The following ANKS1B variants were observed in gnomAD, a reference collection of about 807,000 sequenced individuals.
ANKS1B encodes ankyrin repeat and sterile alpha motif domain containing 1B.
Under a neutral mutation model 148.3 loss-of-function variants are expected in ANKS1B, and 36 were observed. The ratio of observed to expected loss-of-function variants is 0.24; its 90% CI spans 0.19 to 0.32. ANKS1B has a LOEUF of 0.32. Ranked by LOEUF, ANKS1B falls within the 10% of genes least tolerant of loss-of-function variation. The pLI is 1.00. For missense variants in ANKS1B, 1,157 were observed against 1,542.6 expected, an observed-to-expected ratio of 0.75 and a Z score of 4.19; for synonymous variants, 542 against 560.8, an observed-to-expected ratio of 0.97 and a Z score of 0.47.
At chr12:99,030,545 A>G (rs2099951469) in intron 17 of ANKS1B, among the ~76,000 whole-genome samples, 1 of 150,956 alleles carries the variant, frequency 6.6e-6, no homozygotes, top group African/African-American at 2.4e-5. Context: ...GCAGTACGGT[A>G]CCTCCTCCTG....
Position 98,744,122 on chromosome 12 carries a change from A to G in ANKS1B, c.*1617T>C. The G allele has an allele frequency of 2.0e-6, 2 of 985,784 alleles. No homozygotes were observed. The highest frequency in any genetic ancestry group is 3.5e-5 in the African/African-American group (2 of 57,354). 61.1% of individuals were successfully genotyped at this position (985,784 alleles called of 1,614,324 possible). A position where few individuals can be genotyped will look rare whatever the true frequency, so the allele number is the denominator to read the frequency against. The stretch of plus-strand genomic sequence containing the variant: ...GCTCCTATTAACTTTGCTCCTATAC[A>G]ATTGCCTCCTGGTACCATATTTTAG... On this transcript the variant is annotated 3_prime_UTR_variant, in exon 27 of 27. Transcript: ENST00000683438.
intron 17 of ANKS1B, among the ~76,000 whole-genome samples, chr12:98,948,295 C>T (rs186309638): frequency 6.6e-6 from 1 of 152,210 alleles, no homozygotes; most frequent in Admixed American, 6.5e-5. Flanking sequence ...ATGATTATAA[C>T]CTAAGAAACA....
intron 22 of ANKS1B, among the ~76,000 whole-genome samples, chr12:98,783,015 C>A (rs1188965507): frequency 6.6e-6 from 1 of 151,044 alleles, no homozygotes; most frequent in Non-Finnish European, 1.5e-5. Context: ...GCAGCCCAGG[C>A]GATAGTTGGA....
At chr12:98,919,825 A>G (rs1488663015) in intron 17 of ANKS1B, among the ~76,000 whole-genome samples, 1 of 152,146 alleles carries the variant, frequency 6.6e-6, no homozygotes, top group African/African-American at 2.4e-5. Flanking sequence ...AAAAATATGC[A>G]ATTGTTAGGG....
chr12:99,974,068 T>C (rs2095595587), intron 1 of ANKS1B, among the ~76,000 whole-genome samples: 1 of 152,194 alleles, frequency 6.6e-6, no homozygotes, highest in Non-Finnish European at 1.5e-5. Context: ...CATTACTGTC[T>C]CATTTAAGAA....
At chr12:99,960,287 T>A (rs2095391750) in intron 1 of ANKS1B, among the ~76,000 whole-genome samples, 1 of 152,244 alleles carries the variant, frequency 6.6e-6, no homozygotes, top group Middle Eastern at 3.2e-3. Flanking sequence ...TGTGACCATC[T>A]ATGCGAGGTA....
chr12:99,097,173 C>T (rs558880196), intron 15 of ANKS1B: 1 of 152,126 alleles, frequency 6.6e-6, no homozygotes, highest in African/African-American at 2.4e-5. Context: ...GTCTAAAGAT[C>T]ACTAAGTAAG....
chr12:98,873,799 A>C (rs1207917542), intron 17 of ANKS1B, among the ~76,000 whole-genome samples: 1 of 152,370 alleles, frequency 6.6e-6, no homozygotes, highest in Non-Finnish European at 1.5e-5. Context: ...ACTTGCCAAT[A>C]AACAGAAACA....
intron 15 of ANKS1B, among the ~76,000 whole-genome samples, chr12:99,095,030 G>C (rs1050659399): frequency 6.6e-5 from 10 of 152,060 alleles, no homozygotes; most frequent in Admixed American, 1.3e-4. Context: ...TCTCACTGGG[G>C]GGGGGGTCAA....
At chr12:99,374,802 T>C (rs2093319821) in intron 12 of ANKS1B, among the ~76,000 whole-genome samples, 1 of 152,202 alleles carries the variant, frequency 6.6e-6, no homozygotes, top group African/African-American at 2.4e-5. Context: ...GTTTTGTTGT[T>C]TATGGGTTTC....
At chr12:99,514,674 G>C (rs2096798082) in intron 9 of ANKS1B, among the ~76,000 whole-genome samples, 1 of 152,074 alleles carries the variant, frequency 6.6e-6, no homozygotes, top group South Asian at 2.1e-4. Context: ...TCATGTGATT[G>C]TGTCAAAGAT....
At chr12:99,693,327 T>G (rs927059961) in intron 8 of ANKS1B, among the ~76,000 whole-genome samples, 1 of 152,192 alleles carries the variant, frequency 6.6e-6, no homozygotes, top group African/African-American at 2.4e-5. Context: ...CTGGTTGTGA[T>G]GGACTGCCCA....
intron 12 of ANKS1B, among the ~76,000 whole-genome samples, chr12:99,364,541 C>T (rs1487449617): frequency 6.6e-6 from 1 of 152,210 alleles, no homozygotes; most frequent in Non-Finnish European, 1.5e-5. Context: ...ATATCATTTA[C>T]TTAATGCTGT....
chr12:99,795,479 T>C (rs1190423678), intron 4 of ANKS1B, among the ~76,000 whole-genome samples: 4 of 151,990 alleles, frequency 2.6e-5, no homozygotes, highest in Non-Finnish European at 5.9e-5. Context: ...AAATGAGTGG[T>C]TACTTACAAC....
intron 9 of ANKS1B, among the ~76,000 whole-genome samples, chr12:99,571,308 G>C (rs766970413): frequency 2.4e-4 from 36 of 151,682 alleles, no homozygotes; most frequent in Admixed American, 3.9e-4. Context: ...TGTAAACTTT[G>C]GTCAAACAAC....
At chr12:99,716,967 A>C (rs891728905) in intron 8 of ANKS1B, among the ~76,000 whole-genome samples, 5 of 151,976 alleles carry the variant, frequency 3.3e-5, no homozygotes, top group Admixed American at 2.0e-4. Context: ...ACTAGCCCTC[A>C]CCCACCTGCC....
At chr12:99,972,046 A>G (rs2095565653) in intron 1 of ANKS1B, among the ~76,000 whole-genome samples, 2 of 152,228 alleles carry the variant, frequency 1.3e-5, no homozygotes, top group Middle Eastern at 3.4e-3. Context: ...TTATTTTTAT[A>G]TCTGTTATGA....
intron 17 of ANKS1B, among the ~76,000 whole-genome samples, chr12:99,051,931 C>T (rs1030868019): frequency 4.6e-5 from 7 of 151,798 alleles, no homozygotes; most frequent in Admixed American, 2.6e-4. Flanking sequence ...GGACTTTTGG[C>T]GAGAAAGTGA....
At chr12:98,849,539 G>T (rs754131405) in intron 17 of ANKS1B, among the ~76,000 whole-genome samples, 1 of 152,122 alleles carries the variant, frequency 6.6e-6, no homozygotes, top group African/African-American at 2.4e-5. Context: ...CATAAGTATG[G>T]CTTGTTTTTT....
Sources: gnomAD v4.1 joint callset for allele counts (sites outside exome capture counted in the v4.1 genomes callset) on GRCh38, gnomAD v4.1.1 for gene constraint, MANE v1.5 for transcripts, NCBI Gene and HGNC (gene_info 2026-07-23, HGNC 2026-07-21) for gene names.